Variants in KIRREL3 observed in about 807,000 individuals in gnomAD.
The protein encoded by KIRREL3 is kirre like nephrin family adhesion molecule 3.
In KIRREL3, 36 loss-of-function variants were observed where a neutral mutation model predicts 89.7. The observed-to-expected ratio is 0.40, with a 90% CI of 0.31 to 0.53. KIRREL3 has a LOEUF of 0.53. KIRREL3 is among the 20% of genes least tolerant of loss of function. KIRREL3 has a pLI of 0.49. For missense variants in KIRREL3, 864 were observed against 1,056.6 expected (o/e 0.82, Z 2.53); for synonymous variants, 445 against 441.4 (o/e 1.01, Z -0.10).
At chr11:126,848,967 G>A (rs1056907471) in intron 1 of KIRREL3, among the ~76,000 whole-genome samples, 3 of 152,194 alleles carry the variant, frequency 2.0e-5, no homozygotes, top group Non-Finnish European at 2.9e-5. Context: ...AAAGGGAGTT[G>A]GGAAATGTCA....
intron 1 of KIRREL3, among the ~76,000 whole-genome samples, chr11:126,988,046 C>G (rs1247872311): frequency 6.6e-6 from 1 of 152,134 alleles, no homozygotes; most frequent in Non-Finnish European, 1.5e-5. Context: ...GATATTTTTA[C>G]TATTCTAGAC....
chr11:127,000,714 C>T lies in KIRREL3; in HGVS notation c.-205G>A, dbSNP rs1319516100. The T allele has an allele frequency of 1.9e-6, 1 of 527,482 alleles. No homozygotes were observed. The highest frequency in any genetic ancestry group is 3.2e-5 in the East Asian group (1 of 31,366). 32.7% of individuals were successfully genotyped at this position (527,482 alleles called of 1,614,324 possible). On this transcript the variant is annotated 5_prime_UTR_variant, in exon 1 of 17. Coordinates refer to ENST00000525144, the MANE Select transcript of KIRREL3 (RefSeq NM_032531.4). This position sits in a 1 kb window ranked among gnomAD's most constrained non-coding sequence, Gnocchi z 7.1. ...CCGACACAAACTGCCTGTTCTTAGC[C>T]GCCTCGGGAAGCCGGGATTGTCAGC... is the stretch of plus-strand genomic sequence containing the variant.
At chr11:126,448,539 T>C (rs1328006553) in intron 8 of KIRREL3, among the ~76,000 whole-genome samples, 1 of 152,154 alleles carries the variant, frequency 6.6e-6, no homozygotes, top group Non-Finnish European at 1.5e-5. Context: ...TCCTCACCCC[T>C]GTGGGATGGT....
intron 4 of KIRREL3, among the ~76,000 whole-genome samples, chr11:126,503,879 C>G (rs771279014): frequency 2.6e-5 from 4 of 151,900 alleles, no homozygotes; most frequent in Non-Finnish European, 5.9e-5. Context: ...CCCTCTCCCT[C>G]TTTCTCCCAT....
intron 6 of KIRREL3, among the ~76,000 whole-genome samples, chr11:126,457,796 A>G (rs986104897): frequency 1.3e-5 from 2 of 152,168 alleles, no homozygotes; most frequent in African/African-American, 2.4e-5. Context: ...ACAGGGTGTT[A>G]GAGAGAAAGA....
Position 126,608,288 on chromosome 11 carries a change from G to C in KIRREL3, c.56-45376C>G, listed in dbSNP as rs1039422581. ...CCACCTGGCAGGCGTTTGGAACAAC[G>C]TGCTGAATAACAGCAGCATTTGTGA... On this transcript the variant is annotated intron_variant, in intron 1 of 16. Transcript: ENST00000525144. The surrounding 1 kb of genome is among the most constrained non-coding windows in gnomAD (Gnocchi z 4.9). 7.9e-5 allele frequency among the ~76,000 whole-genome samples: 12 copies of C among 152,200 alleles called. No homozygotes were observed. Among genetic ancestry groups the C allele is most frequent in the African/African-American group, 2.9e-4 (12 of 41,440 alleles).
At chr11:126,959,018 T>G (rs1949004309) in intron 1 of KIRREL3, among the ~76,000 whole-genome samples, 1 of 152,080 alleles carries the variant, frequency 6.6e-6, no homozygotes, top group Non-Finnish European at 1.5e-5. Context: ...GTTGAAGGCT[T>G]GAATAAAAAA....
intron 1 of KIRREL3, among the ~76,000 whole-genome samples, chr11:126,712,998 T>G (rs1223141445): frequency 2.6e-5 from 4 of 151,916 alleles, no homozygotes; most frequent in Non-Finnish European, 4.4e-5. Context: ...AGGCACTGGG[T>G]GCTGGGTGCT....
chr11:126,690,361 GGT>G (rs1491199550), intron 1 of KIRREL3, among the ~76,000 whole-genome samples: 5 of 144,458 alleles, frequency 3.5e-5, no homozygotes, highest in East Asian at 2.0e-4. Context: ...TCTAAGCAGG[GGT>G]TTTTTTTTTT....
intron 1 of KIRREL3, among the ~76,000 whole-genome samples, chr11:126,979,802 C>G (rs949887146): frequency 2.0e-5 from 3 of 152,156 alleles, no homozygotes; most frequent in African/African-American, 7.2e-5. Context: ...TTCAAGAAAA[C>G]CAGGTGCTCT....
chr11:126,440,381 C>T (rs1466405788), intron 11 of KIRREL3, 68 bp downstream of exon 11: 7 of 1,406,718 alleles, frequency 5.0e-6, no homozygotes, highest in Non-Finnish European at 3.9e-6. Flanking sequence ...GCTGGCCACC[C>T]AGGTATTGGC....
At position 126,704,988 on chromosome 11, in the gene KIRREL3, G is replaced by T. The variant is rs1350018211; in HGVS notation, c.56-142076C>A. ...CTCCAGAGCTGTATGACAGGAGTGG[G>T]AGGACTCTTGGGTCAGAACTGTATT... is the stretch of plus-strand genomic sequence containing the variant. On this transcript the variant is annotated intron_variant, in intron 1 of 16. Transcript: ENST00000525144. This position sits in a 1 kb window ranked among gnomAD's most constrained non-coding sequence, Gnocchi z 4.2. 6.6e-6 allele frequency among the ~76,000 whole-genome samples: 1 copy of T among 152,180 alleles called. No individual in the cohort carries two copies. Among genetic ancestry groups the T allele is most frequent in the Non-Finnish European group, 1.5e-5 (1 of 68,030 alleles).
intron 1 of KIRREL3, among the ~76,000 whole-genome samples, chr11:126,714,468 G>A (rs776683290): frequency 6.6e-5 from 10 of 152,206 alleles, no homozygotes; most frequent in Non-Finnish European, 1.3e-4. Context: ...CGGGTGTGAT[G>A]GAGTCACGGA....
rs1241460394 is a variant in KIRREL3 at position 126,638,291 on chromosome 11, G to A, written c.56-75379C>T. On this transcript the variant is annotated intron_variant, in intron 1 of 16. Coordinates refer to ENST00000525144, the MANE Select transcript of KIRREL3 (RefSeq NM_032531.4). ...TAGAAACACCTTGCTTGTTCTTAAAGAATCTAAATCTCCACAATGTTCCCT... is the reference window on the plus strand; with the variant it reads ...TAGAAACACCTTGCTTGTTCTTAAAAAATCTAAATCTCCACAATGTTCCCT... Among the ~76,000 whole-genome samples, 10 of 152,182 alleles carry A rather than the reference G, an allele frequency of 6.6e-5. 1 individual carries two copies. Among genetic ancestry groups the A allele is most frequent in the Admixed American group, 6.5e-4 (10 of 15,280 alleles).
intron 1 of KIRREL3, among the ~76,000 whole-genome samples, chr11:126,706,010 T>A (rs1361175507): frequency 2.0e-5 from 3 of 152,120 alleles, no homozygotes; most frequent in Admixed American, 1.3e-4. Context: ...AAAACATAAG[T>A]CAAGCTCCTA....
rs2135238090 is a variant in KIRREL3 at position 126,978,047 on chromosome 11, T to G, written c.55+22408A>C. The stretch of plus-strand genomic sequence containing the variant: ...TGCCAGTCTACTGACAGCCTCCTTC[T>G]CCAGCACGGCAGCCCACCAAAAGTG... On this transcript the variant is annotated intron_variant, in intron 1 of 16. Transcript: ENST00000525144. The surrounding 1 kb of genome is among the most constrained non-coding windows in gnomAD (Gnocchi z 4.2). Among the ~76,000 whole-genome samples the G allele has an allele frequency of 6.6e-6, 1 of 152,224 alleles. No homozygotes were observed. The highest frequency in any genetic ancestry group is 2.1e-4 in the South Asian group (1 of 4,812).
chr11:126,718,078 A>G (rs563025478), intron 1 of KIRREL3, among the ~76,000 whole-genome samples: 81 of 152,294 alleles, frequency 5.3e-4, no homozygotes, highest in South Asian at 1.7e-3. Flanking sequence ...AAGAGATTCA[A>G]TGATCTCCTA....
chr11:126,432,274 C>T lies in KIRREL3; in HGVS notation c.1589-748G>A, dbSNP rs1263789154. On this transcript the variant is annotated intron_variant, in intron 13 of 16. Transcript: ENST00000525144. This position sits in a 1 kb window ranked among gnomAD's most constrained non-coding sequence, Gnocchi z 6.2. ...CACACTGGGCAGGCAAGCCCTCACC[C>T]CTGCTGAGTCTCTGTGGCCTGTCTC... 6.6e-6 allele frequency among the ~76,000 whole-genome samples: 1 copy of T among 152,144 alleles called. No homozygotes were observed. Among genetic ancestry groups the T allele is most frequent in the Non-Finnish European group, 1.5e-5 (1 of 68,010 alleles).
rs1947121637 is a variant in KIRREL3, at chr11:126,696,929, G to A, written c.56-134017C>T. On this transcript the variant is annotated intron_variant, in intron 1 of 16. Coordinates refer to ENST00000525144, the MANE Select transcript of KIRREL3 (RefSeq NM_032531.4). The surrounding 1 kb of genome is among the most constrained non-coding windows in gnomAD (Gnocchi z 4.4). ...CTCAGTTTCTTCATCTGTATTAATG[G>A]AGATGACCTAAGAGCTGCCCTGAGG... Among the ~76,000 whole-genome samples the A allele has an allele frequency of 6.6e-6, 1 of 152,096 alleles. No homozygotes were observed.
Sources: allele counts gnomAD v4.1 joint callset (sites outside exome capture counted in the v4.1 genomes callset), GRCh38; gene constraint gnomAD v4.1.1; non-coding constraint Gnocchi (gnomAD v3.1); transcripts MANE v1.5; gene names NCBI Gene and HGNC (gene_info 2026-07-23, HGNC 2026-07-21).